SLIT3: variants seen among roughly 807,000 people sequenced by gnomAD.
SLIT3 encodes slit guidance ligand 3.
A neutral mutation model predicts 184.0 loss-of-function variants in SLIT3; 68 were observed. The ratio of observed to expected loss-of-function variants is 0.37; its 90% CI spans 0.30 to 0.45. SLIT3 has a LOEUF of 0.45. Ranked by LOEUF, SLIT3 falls within the 20% of genes least tolerant of loss-of-function variation. The pLI, the probability that SLIT3 is intolerant of heterozygous loss-of-function variation, is 1.00. For missense variants in SLIT3, 1,707 were observed against 2,026.0 expected, an observed-to-expected ratio of 0.84 and a Z score of 3.02; for synonymous variants, 831 against 828.6, an observed-to-expected ratio of 1.00 and a Z score of -0.05.
intron 8 of SLIT3, among the ~76,000 whole-genome samples, chr5:168,817,034 A>C (rs190820281): frequency 2.7e-4 from 40 of 147,366 alleles, no homozygotes; most frequent in African/African-American, 9.8e-4. Flanking sequence ...TTCGGTTTCT[A>C]GTATCAATGG....
chr5:169,182,446 C>T (rs1473113253), intron 4 of SLIT3, among the ~76,000 whole-genome samples: 1 of 152,156 alleles, frequency 6.6e-6, no homozygotes, highest in African/African-American at 2.4e-5. Context: ...ATTTAATGTT[C>T]AAATCCAAGA....
At chr5:168,911,677 A>G (rs1051973475) in intron 4 of SLIT3, among the ~76,000 whole-genome samples, 4 of 152,222 alleles carry the variant, frequency 2.6e-5, no homozygotes, top group African/African-American at 2.4e-5. Flanking sequence ...TAGATGGCAT[A>G]TAAGATGTCG....
intron 1 of SLIT3, among the ~76,000 whole-genome samples, chr5:169,264,893 C>T (rs183333671): frequency 4.4e-4 from 67 of 152,354 alleles, no homozygotes; most frequent in Non-Finnish European, 8.7e-4. Context: ...TGTTTGGGAA[C>T]TAAGCCTCTC....
intron 1 of SLIT3, among the ~76,000 whole-genome samples, chr5:169,251,827 C>T (rs1416993737): frequency 1.3e-5 from 2 of 152,136 alleles, no homozygotes; most frequent in African/African-American, 4.8e-5. Context: ...TAAGTATCTT[C>T]AGTTTTCCTG....
chr5:169,134,169 A>G (rs1381734371), intron 4 of SLIT3, among the ~76,000 whole-genome samples: 2 of 152,198 alleles, frequency 1.3e-5, no homozygotes, highest in East Asian at 3.9e-4. Flanking sequence ...TTCTCTCAAC[A>G]TGGTAGCCAA....
intron 4 of SLIT3, among the ~76,000 whole-genome samples, chr5:168,997,417 G>A (rs2113407684): frequency 6.6e-6 from 1 of 152,296 alleles, no homozygotes; most frequent in Middle Eastern, 3.4e-3. Flanking sequence ...GTGGAATCAA[G>A]TCCTATTGTG....
chr5:168,972,497 T>TA (rs1276591169), intron 4 of SLIT3, among the ~76,000 whole-genome samples: 2 of 152,014 alleles, frequency 1.3e-5, no homozygotes, highest in African/African-American at 4.8e-5. Context: ...CCCTAGATCT[T>TA]ATGCTTGAAT....
At chr5:168,932,505 T>A (rs1390508542) in intron 4 of SLIT3, among the ~76,000 whole-genome samples, 1 of 152,058 alleles carries the variant, frequency 6.6e-6, no homozygotes, top group African/African-American at 2.4e-5. Context: ...TCTTGGTTTG[T>A]AAAATTTTCC....
In SLIT3 at chr5:169,293,279, G is replaced by GT. The variant is rs1253012532; in HGVS notation, c.197+7233dup. 7.2e-5 allele frequency among the ~76,000 whole-genome samples: 11 copies of GT among 152,146 alleles called. No individual in the cohort carries two copies. The East Asian group carries it at 1.5e-3, about 21-fold the overall frequency. On this transcript the variant is annotated intron_variant, in intron 1 of 35. Coordinates refer to ENST00000519560, the MANE Select transcript of SLIT3 (RefSeq NM_003062.4). ...AGAACATTTTCTTATTAGGATTGTG[G>GT]TTTTTTTAATGGAATAAATTGCTTT...
intron 4 of SLIT3, among the ~76,000 whole-genome samples, chr5:169,112,949 G>A (rs1409496660): frequency 6.6e-6 from 1 of 152,070 alleles, no homozygotes; most frequent in African/African-American, 2.4e-5. Flanking sequence ...GCTTCCTACA[G>A]TTGCTACTTC....
chr5:168,989,924 T>C (rs1755263553), intron 4 of SLIT3, among the ~76,000 whole-genome samples: 1 of 152,184 alleles, frequency 6.6e-6, no homozygotes, highest in Admixed American at 6.5e-5. Flanking sequence ...TGTGAATAAA[T>C]ATGTAGTTGG....
intron 4 of SLIT3, among the ~76,000 whole-genome samples, chr5:168,990,535 C>G (rs1477559306): frequency 1.3e-5 from 2 of 152,130 alleles, no homozygotes; most frequent in Non-Finnish European, 2.9e-5. Context: ...CAATTATCTC[C>G]CTGCCCCAGC....
chr5:168,944,997 G>C (rs893934907), intron 4 of SLIT3, among the ~76,000 whole-genome samples: 1 of 152,156 alleles, frequency 6.6e-6, no homozygotes, highest in African/African-American at 2.4e-5. Context: ...GGACTGACCT[G>C]TGACACCCGA....
rs1561865258 is a variant in SLIT3 at position 168,669,787 on chromosome 5, T to C, written c.4332A>G (p.Gln1444=). The C allele has an allele frequency of 1.9e-6, 3 of 1,613,164 alleles. No homozygotes were observed. The highest frequency in any genetic ancestry group is 4.5e-5 in the East Asian group (2 of 44,890). ...CCACAGGCACAGTAGACCCACCTTG[T>C]TGGCAGTGCTCGCCGCTAAAGCCGG... ...CQPGFSGEHC[Q]QENPCLGQVV... is the part of the protein sequence containing the mutation. Residue 1444 remains glutamine, a synonymous_variant, in exon 35 of 36, where the codon CAA becomes CAG. Coordinates refer to ENST00000519560, the MANE Select transcript of SLIT3 (RefSeq NM_003062.4).
At chr5:168,773,001 C>T (rs1755611987) in intron 13 of SLIT3, 57 bp from the exon 14 acceptor site, 2 of 1,514,254 alleles carry the variant, frequency 1.3e-6, no homozygotes, top group African/African-American at 2.8e-5. Flanking sequence ...TGCTCCACCA[C>T]CACCACCCTG....
At chr5:169,030,600 G>C (rs3749674) in intron 4 of SLIT3, 16,272 of 152,200 alleles carry the variant, frequency 0.11, 1,142 homozygotes, top group East Asian at 0.42. Flanking sequence ...GAATGTTTTT[G>C]TATCTATGGA....
chr5:168,889,447 CA>C (rs1398772702), intron 4 of SLIT3, among the ~76,000 whole-genome samples: 1 of 151,944 alleles, frequency 6.6e-6, no homozygotes, highest in African/African-American at 2.4e-5. Context: ...CAATGGGGGA[CA>C]AAAAAACGCC....
intron 4 of SLIT3, among the ~76,000 whole-genome samples, chr5:168,895,065 G>A (rs1760614452): frequency 6.6e-6 from 1 of 152,214 alleles, no homozygotes; most frequent in Admixed American, 6.5e-5. Context: ...GTAGTGAGGT[G>A]AGGAGGTAAG....
intron 4 of SLIT3, among the ~76,000 whole-genome samples, chr5:169,104,814 G>A (rs1423334097): frequency 6.6e-6 from 1 of 152,166 alleles, no homozygotes; most frequent in Non-Finnish European, 1.5e-5. Context: ...CTCTCAGGGG[G>A]AGAAAAGAAA....
Sources: gnomAD v4.1 joint callset for allele counts (sites outside exome capture counted in the v4.1 genomes callset) on GRCh38, gnomAD v4.1.1 for gene constraint, MANE v1.5 for transcripts, NCBI Gene and HGNC (gene_info 2026-07-23, HGNC 2026-07-21) for gene names.